Variants in RYR3 observed in about 807,000 individuals in gnomAD.
RYR3 encodes ryanodine receptor 3.
Under a neutral mutation model 584.3 loss-of-function variants are expected in RYR3, and 207 were observed. The observed-to-expected ratio is 0.35, with a 90% CI of 0.32 to 0.40. The LOEUF is 0.40. Among genes scored for constraint, RYR3 ranks in the 10% least tolerant of loss-of-function variants. The probability of loss-of-function intolerance (pLI) is 1.00; values close to 1 mark genes in which losing one functional copy is unlikely to be tolerated. For synonymous variants in RYR3, 2,416 were observed against 2,248.5 expected, an observed-to-expected ratio of 1.07 and a Z score of -2.11; for missense variants, 5,616 against 6,089.2, an observed-to-expected ratio of 0.92 and a Z score of 2.59.
At chr15:33,845,523 G>T (rs757224982) in intron 93 of RYR3, among the ~76,000 whole-genome samples, 5 of 152,132 alleles carry the variant, frequency 3.3e-5, no homozygotes, top group Non-Finnish European at 7.3e-5. Context: ...CACAGTGCTG[G>T]GATTACAAGC....
intron 1 of RYR3, among the ~76,000 whole-genome samples, chr15:33,401,160 T>C (rs1360115106): frequency 6.6e-6 from 1 of 152,274 alleles, no homozygotes; most frequent in East Asian, 1.9e-4. Context: ...TCGGCTATTA[T>C]GAGGTCTTAA....
At chr15:33,634,547 A>T (rs749026218) in intron 24 of RYR3, 39 bp from the exon 25 acceptor site, 6 of 1,610,936 alleles carry the variant, frequency 3.7e-6, no homozygotes, top group Non-Finnish European at 5.1e-6. Context: ...GTGAAGGTGA[A>T]ATGTTTTCTT....
Position 33,644,377 on chromosome 15 carries a change from G to A in RYR3, c.3623G>A (p.Ser1208Asn). The A allele has an allele frequency of 1.2e-6, 2 of 1,613,378 alleles. No homozygotes were observed. The highest frequency in any genetic ancestry group is 1.7e-6 in the Non-Finnish European group (2 of 1,179,696). The change falls in exon 28 of 104, where the codon AGT becomes AAT. Residue 1208 changes from serine (S) to asparagine (N), a missense_variant. Coordinates refer to ENST00000634891, the MANE Select transcript of RYR3 (RefSeq NM_001036.6). ...IGRMNLGTDA[S>N]TFKFYTMCGL... is the part of the protein sequence containing the mutation. ...CGCATGAATCTCGGGACAGATGCCA[G>A]TACCTTCAAGTTTTATACCATGTGC...
intron 3 of RYR3, among the ~76,000 whole-genome samples, chr15:33,510,244 C>T (rs1567406855): frequency 6.6e-6 from 1 of 152,198 alleles, no homozygotes; most frequent in Non-Finnish European, 1.5e-5. Flanking sequence ...AATTTAACTT[C>T]AAGCAAATAT....
At chr15:33,652,122 C>A (rs1181633277) in intron 31 of RYR3, among the ~76,000 whole-genome samples, 1 of 152,106 alleles carries the variant, frequency 6.6e-6, no homozygotes, top group Non-Finnish European at 1.5e-5. Context: ...GATGGTTAGC[C>A]AGTAGTGCGG....
At chr15:33,366,335 A>G (rs1595867049) in intron 1 of RYR3, among the ~76,000 whole-genome samples, 2 of 152,196 alleles carry the variant, frequency 1.3e-5, no homozygotes, top group Admixed American at 1.3e-4. Context: ...TGAATTAGGT[A>G]AAGTTCAAAA....
intron 1 of RYR3, among the ~76,000 whole-genome samples, chr15:33,457,991 C>T (rs1423325208): frequency 2.0e-5 from 3 of 152,154 alleles, no homozygotes; most frequent in African/African-American, 7.2e-5. Context: ...TCAGTAGTGC[C>T]AGGTACATTG....
chr15:33,754,908 A>G (rs2152857115), intron 57 of RYR3, among the ~76,000 whole-genome samples, 157 bp from the exon 58 acceptor site: 1 of 152,280 alleles, frequency 6.6e-6, no homozygotes, highest in East Asian at 1.9e-4. Context: ...GTAGGTTCCA[A>G]GTGAGAGGGG....
At chr15:33,370,308 C>T (rs1292492311) in intron 1 of RYR3, among the ~76,000 whole-genome samples, 1 of 152,196 alleles carries the variant, frequency 6.6e-6, no homozygotes. Flanking sequence ...TGGTCTGCCC[C>T]ACCTCTACCT....
At chr15:33,479,067 T>C (rs963760100) in intron 2 of RYR3, among the ~76,000 whole-genome samples, 13 of 146,930 alleles carry the variant, frequency 8.8e-5, no homozygotes, top group African/African-American at 2.6e-4. Context: ...AATGGAAATT[T>C]TCATTTTATT....
chr15:33,773,442 T>C, intron 63 of RYR3, 92 bp from the exon 64 acceptor site: 1 of 849,586 alleles, frequency 1.2e-6, no homozygotes, highest in Non-Finnish European at 1.9e-6. Flanking sequence ...TTTTACTCTT[T>C]ACTGATGCTC....
At chr15:33,425,808 A>T (rs1596078631) in intron 1 of RYR3, among the ~76,000 whole-genome samples, 2 of 149,404 alleles carry the variant, frequency 1.3e-5, no homozygotes, top group Admixed American at 6.7e-5. Flanking sequence ...CACCCGGCTA[A>T]TTTTTTTGTA....
intron 1 of RYR3, among the ~76,000 whole-genome samples, chr15:33,464,099 A>G (rs2048255787): frequency 6.6e-6 from 1 of 152,114 alleles, no homozygotes; most frequent in Middle Eastern, 3.4e-3. Context: ...AATCATATGC[A>G]TGAAGGTTAT....
At chr15:33,614,596 A>T (rs934686338) in intron 19 of RYR3, among the ~76,000 whole-genome samples, 1 of 152,064 alleles carries the variant, frequency 6.6e-6, no homozygotes, top group African/African-American at 2.4e-5. Flanking sequence ...TATTTTTGCT[A>T]ACTTTGTGTT....
intron 1 of RYR3, among the ~76,000 whole-genome samples, chr15:33,405,358 T>C (rs1173129296): frequency 6.6e-6 from 1 of 152,116 alleles, no homozygotes; most frequent in African/African-American, 2.4e-5. Flanking sequence ...CTGTCCTGTG[T>C]CCCCTCTCTA....
At chr15:33,829,280 A>G (rs1219869585) in intron 85 of RYR3, among the ~76,000 whole-genome samples, 2 of 152,174 alleles carry the variant, frequency 1.3e-5, no homozygotes, top group African/African-American at 4.8e-5. Context: ...GCCTGCTAAT[A>G]CAAGATTTAT....
intron 1 of RYR3, among the ~76,000 whole-genome samples, chr15:33,355,048 G>T (rs1308018767): frequency 6.6e-6 from 1 of 152,084 alleles, no homozygotes; most frequent in African/African-American, 2.4e-5. Flanking sequence ...GCCGGGCGTG[G>T]TGGTACACGC....
intron 67 of RYR3, among the ~76,000 whole-genome samples, chr15:33,792,017 G>T (rs1408985944): frequency 6.6e-6 from 1 of 152,146 alleles, no homozygotes; most frequent in Non-Finnish European, 1.5e-5. Context: ...GAGGCAAGTG[G>T]AAAGCAAGAA....
At chr15:33,526,578 A>G (rs1567450691) in intron 3 of RYR3, among the ~76,000 whole-genome samples, 1 of 152,198 alleles carries the variant, frequency 6.6e-6, no homozygotes, top group South Asian at 2.1e-4. Context: ...AGTTAGACCT[A>G]AGTTCAAATC....
Sources: allele counts gnomAD v4.1 joint callset (sites outside exome capture counted in the v4.1 genomes callset), GRCh38; gene constraint gnomAD v4.1.1; transcripts MANE v1.5; gene names NCBI Gene and HGNC (gene_info 2026-07-23, HGNC 2026-07-21).